CLASP2: variants seen among roughly 807,000 people sequenced by gnomAD.
CLASP2 encodes cytoplasmic linker associated protein 2.
In CLASP2, 47 loss-of-function variants were observed where a neutral mutation model predicts 194.4. That is an observed-to-expected ratio of 0.24 (90% confidence interval 0.19 to 0.31). The LOEUF is 0.31. Among genes scored for constraint, CLASP2 ranks in the 10% least tolerant of loss-of-function variants. The pLI, the probability that CLASP2 is intolerant of heterozygous loss-of-function variation, is 1.00. For synonymous variants in CLASP2, 619 were observed against 633.5 expected, an observed-to-expected ratio of 0.98 and a Z score of 0.34; for missense variants, 1,445 against 1,823.6, an observed-to-expected ratio of 0.79 and a Z score of 3.78.
chr3:33,595,599 T>C (rs1216257155), intron 19 of CLASP2, among the ~76,000 whole-genome samples: 2 of 152,082 alleles, frequency 1.3e-5, no homozygotes, highest in African/African-American at 2.4e-5. Flanking sequence ...CGCAATAATA[T>C]ACGTCTGTGT....
At chr3:33,593,379 G>C (rs1325648750) in intron 20 of CLASP2, among the ~76,000 whole-genome samples, 1 of 152,122 alleles carries the variant, frequency 6.6e-6, no homozygotes, top group Non-Finnish European at 1.5e-5. Context: ...GAAGGGCTCA[G>C]AATTATTTTT....
intron 7 of CLASP2, among the ~76,000 whole-genome samples, chr3:33,653,317 G>A (rs748629666): frequency 4.0e-5 from 6 of 151,750 alleles, no homozygotes; most frequent in Admixed American, 1.3e-4. Context: ...AAATACAGGA[G>A]ATAAACATTA....
chr3:33,601,113 C>G (rs1236351017), intron 18 of CLASP2, among the ~76,000 whole-genome samples: 2 of 152,046 alleles, frequency 1.3e-5, no homozygotes, highest in East Asian at 3.8e-4. Flanking sequence ...CGCTCGCCAC[C>G]ACGCCCGGCT....
intron 27 of CLASP2, among the ~76,000 whole-genome samples, chr3:33,565,879 T>C (rs2062647414): frequency 6.6e-6 from 1 of 151,752 alleles, no homozygotes; most frequent in South Asian, 2.1e-4. Context: ...ATTGACTATG[T>C]TATTGGTAAG....
chr3:33,681,358 T>C (rs970704452), intron 6 of CLASP2, among the ~76,000 whole-genome samples: 1 of 152,078 alleles, frequency 6.6e-6, no homozygotes, highest in African/African-American at 2.4e-5. Context: ...CAGCAAATAA[T>C]TGGTATTGGC....
intron 1 of CLASP2, among the ~76,000 whole-genome samples, chr3:33,702,058 G>A (rs1002579567): frequency 1.3e-5 from 2 of 152,116 alleles, no homozygotes; most frequent in African/African-American, 4.8e-5. Flanking sequence ...GAAAAACCCA[G>A]TCACAGATTA....
rs1354550338 is a variant in CLASP2, at chr3:33,516,120, A to G, written c.4013T>C (p.Leu1338Ser). The change falls in exon 36 of 39, where the codon TTA (leucine) becomes TCA (serine). Residue 1338 changes from leucine to serine, a missense_variant. Around this residue, in one of 4 missense-constraint regions of CLASP2, gnomAD observed 732 missense variants for 987.9 expected, o/e 0.74. Coordinates refer to ENST00000682230, the MANE Select transcript of CLASP2 (RefSeq NM_001365631.1). Reference protein sequence around the residue: ...PTIRALALKVLREILRHQPAR... With the variant: ...PTIRALALKVSREILRHQPAR... ...TGGTTGATGCCTTAGGATTTCTCTTAAAACCTTTAATGCCAAAGCCCTGAT... is the reference window on the plus strand; with the variant it reads ...TGGTTGATGCCTTAGGATTTCTCTTGAAACCTTTAATGCCAAAGCCCTGAT... 1 of 1,609,166 alleles carries G rather than the reference A, an allele frequency of 6.2e-7. No homozygotes were observed. The highest frequency in any genetic ancestry group is 8.5e-7 in the Non-Finnish European group (1 of 1,177,582).
At chr3:33,639,562 A>C (rs1358689024) in intron 8 of CLASP2, among the ~76,000 whole-genome samples, 1 of 152,250 alleles carries the variant, frequency 6.6e-6, no homozygotes, top group Non-Finnish European at 1.5e-5. Context: ...GAAGTAAAAC[A>C]AAATTGGGGT....
Position 33,573,158 on chromosome 3 carries a change from T to C in CLASP2, c.2651A>G (p.Glu884Gly). 1.9e-6 allele frequency: 3 copies of C among 1,613,862 alleles called. No homozygotes were observed. The highest frequency in any genetic ancestry group is 2.5e-6 in the Non-Finnish European group (3 of 1,179,800). Residue 884 changes from glutamate (E) to glycine (G), a missense_variant, in exon 25 of 39, where the codon GAA (glutamate) becomes GGA (glycine). By Grantham distance (98) the Glu-to-Gly change is moderately conservative. Transcript: ENST00000682230. ...CASSNWSERK[E>G]GLLGLQNLLK... Reference sequence around the variant, plus strand: ...TAAGTTCTGCAGACCTAGGAGGCCTTCTTTCCTTTCTGACCAATTGGAACT... The same window carrying C: ...TAAGTTCTGCAGACCTAGGAGGCCTCCTTTCCTTTCTGACCAATTGGAACT...
intron 16 of CLASP2, among the ~76,000 whole-genome samples, chr3:33,605,433 C>T (rs990981889): frequency 6.6e-6 from 1 of 152,170 alleles, no homozygotes; most frequent in Non-Finnish European, 1.5e-5. Flanking sequence ...CAGATCATAA[C>T]TGCTTTTACT....
chr3:33,696,247 G>C (rs1344360298), intron 2 of CLASP2, among the ~76,000 whole-genome samples: 1 of 149,250 alleles, frequency 6.7e-6, no homozygotes, highest in Admixed American at 6.7e-5. Context: ...TGAAGAAACT[G>C]ATCCTTCCCC....
At chr3:33,667,625 T>TA (rs1358388982) in intron 6 of CLASP2, among the ~76,000 whole-genome samples, 2 of 152,144 alleles carry the variant, frequency 1.3e-5, no homozygotes, top group Non-Finnish European at 2.9e-5. Context: ...TTTTGGCTCT[T>TA]ACATTTGGTT....
intron 18 of CLASP2, among the ~76,000 whole-genome samples, chr3:33,597,371 TAGC>T (rs1290980366): frequency 2.6e-5 from 4 of 152,208 alleles, no homozygotes; most frequent in Non-Finnish European, 1.5e-5. Flanking sequence ...GGATTTAACA[TAGC>T]AGGACTGATA....
intron 6 of CLASP2, among the ~76,000 whole-genome samples, chr3:33,676,935 C>CA (rs1259940120): frequency 2.0e-5 from 3 of 152,022 alleles, no homozygotes; most frequent in Non-Finnish European, 2.9e-5. Context: ...TTTATGCAGC[C>CA]AAAAAACACA....
In CLASP2 at chr3:33,544,820, A is replaced by T. The variant is rs763493957; in HGVS notation, c.3175T>A (p.Ser1059Thr). 1.9e-6 allele frequency: 3 copies of T among 1,610,694 alleles called. No homozygotes were observed. The highest frequency in any genetic ancestry group is 1.7e-5 in the Admixed American group (1 of 59,562). Residue 1059 changes from serine to threonine, a missense_variant, in exon 31 of 39, where the codon TCA (serine) becomes ACA (threonine). Physicochemically the swap from Ser to Thr is moderately conservative, Grantham distance 58 (BLOSUM62 1). Coordinates refer to ENST00000682230, the MANE Select transcript of CLASP2 (RefSeq NM_001365631.1). ...VRKAAQSVLI[S>T]LFELNTPEFT... ...TCTGGGGTATTGAGTTCAAATAATG[A>T]AATCAGCACTGACTGTGCTGCCTAA...
intron 6 of CLASP2, 92 bp from the exon 7 acceptor site, chr3:33,663,607 C>G: frequency 2.4e-6 from 2 of 843,756 alleles, no homozygotes; most frequent in Non-Finnish European, 3.8e-6. Flanking sequence ...TTAGAAAAAA[C>G]AATTGTAGGG....
chr3:33,641,752 AT>A (rs74553715), intron 8 of CLASP2, among the ~76,000 whole-genome samples: 3,268 of 145,212 alleles, frequency 0.023, 100 homozygotes, highest in African/African-American at 0.072. Flanking sequence ...AGCTCACTGT[AT>A]TTTTTTTTTT....
chr3:33,506,713 A>G lies in CLASP2; in HGVS notation c.4317+3845T>C, dbSNP rs137902027. On this transcript the variant is annotated intron_variant, in intron 37 of 38. Transcript: ENST00000682230. ...TTCATTGTTTTTCATGTGGAAACCCAGTTGTCCTAGCATCACATTTATTAA... is the reference window on the plus strand; with the variant it reads ...TTCATTGTTTTTCATGTGGAAACCCGGTTGTCCTAGCATCACATTTATTAA... 4.2e-3 allele frequency among the ~76,000 whole-genome samples: 639 copies of G among 152,212 alleles called. 6 individuals carry two copies. The highest frequency in any genetic ancestry group is 0.014 in the African/African-American group (579 of 41,536).
At chr3:33,632,417 A>G in intron 8 of CLASP2, 46 bp from the exon 9 acceptor site, 5 of 1,306,110 alleles carry the variant, frequency 3.8e-6, no homozygotes, top group Non-Finnish European at 5.3e-6. Flanking sequence ...ATTTTTAAGC[A>G]TCTTAACATT....
Sources: allele counts gnomAD v4.1 joint callset (sites outside exome capture counted in the v4.1 genomes callset), GRCh38; gene constraint gnomAD v4.1.1; regional missense constraint gnomAD v4.1.1; transcripts MANE v1.5; gene names NCBI Gene and HGNC (gene_info 2026-07-23, HGNC 2026-07-21).